The following TTLL5 variants were observed in gnomAD, a reference collection of about 807,000 sequenced individuals.
TTLL5 encodes the protein tubulin polyglutamylase TTLL5.
A neutral mutation model predicts 168.4 loss-of-function variants in TTLL5; 132 were observed. The observed-to-expected ratio is 0.78, with a 90% CI of 0.68 to 0.91. TTLL5 has a LOEUF of 0.91. Among genes scored for constraint, TTLL5 ranks in the 40% least tolerant of loss-of-function variants. The pLI, the probability that TTLL5 is intolerant of heterozygous loss-of-function variation, is 0.00. For missense variants in TTLL5, 1,545 were observed against 1,581.5 expected (o/e 0.98, Z 0.39); for synonymous variants, 546 against 558.6 (o/e 0.98, Z 0.32).
intron 21 of TTLL5, among the ~76,000 whole-genome samples, chr14:75,774,373 A>C (rs181350386): frequency 5.4e-4 from 82 of 152,306 alleles, no homozygotes; most frequent in Non-Finnish European, 4.4e-5. Context: ...CCCCAACTCT[A>C]AAAGCTCCCT....
chr14:75,821,069 G>A (rs1894805272), intron 28 of TTLL5, among the ~76,000 whole-genome samples: 1 of 152,154 alleles, frequency 6.6e-6, no homozygotes, highest in South Asian at 2.1e-4. Flanking sequence ...TTCAGAGGGG[G>A]TACTGAAGAC....
intron 30 of TTLL5, among the ~76,000 whole-genome samples, chr14:75,892,031 A>G (rs1357063592): frequency 1.3e-5 from 2 of 152,228 alleles, no homozygotes; most frequent in Non-Finnish European, 2.9e-5. Flanking sequence ...GTTGTTATTT[A>G]TAAGTGTGAT....
At chr14:75,728,171 C>T (rs1459020418) in intron 12 of TTLL5, among the ~76,000 whole-genome samples, 1 of 152,062 alleles carries the variant, frequency 6.6e-6, no homozygotes, top group African/African-American at 2.4e-5. Flanking sequence ...GCCTGGCCAA[C>T]ATGGTAAAAC....
At chr14:75,914,919 G>A (rs561256314) in intron 31 of TTLL5, among the ~76,000 whole-genome samples, 24 of 152,190 alleles carry the variant, frequency 1.6e-4, no homozygotes, top group African/African-American at 5.5e-4. Flanking sequence ...CACTGTGCCC[G>A]GCCGATCGCT....
Position 75,669,446 on chromosome 14 carries a change from C to A in TTLL5, c.105C>A (p.Gly35=), listed in dbSNP as rs762286715. 1 of 1,614,030 alleles carries A rather than the reference C, an allele frequency of 6.2e-7. No homozygotes were observed. The highest frequency in any genetic ancestry group is 8.5e-7 in the Non-Finnish European group (1 of 1,179,974). ...ATCCATGCATCATGTGGACTGGAGG[C>A]TGCAGGAGAATTCCAGTTTTGGTAT... ...EDHPCIMWTG[G]CRRIPVLVFH... Residue 35 remains glycine (G), a synonymous_variant, in exon 3 of 32, where the codon GGC becomes GGA. Coordinates refer to ENST00000298832, the MANE Select transcript of TTLL5 (RefSeq NM_015072.5).
Position 75,923,212 on chromosome 14 carries a change from A to C in TTLL5, c.3823+20988A>C, listed in dbSNP as rs182645708. On this transcript the variant is annotated intron_variant, in intron 31 of 31. Coordinates refer to ENST00000298832, the MANE Select transcript of TTLL5 (RefSeq NM_015072.5). ...AGTTTTTTGTGTCTCTATCTCTTTC[A>C]GTTCTGCTCTGATGTTAGTTATTTC... 2.0e-4 allele frequency among the ~76,000 whole-genome samples: 30 copies of C among 152,022 alleles called. No homozygotes were observed. The South Asian group carries it at 2.9e-3, about 15-fold the overall frequency.
intron 20 of TTLL5, among the ~76,000 whole-genome samples, chr14:75,770,759 G>A (rs1211171804): frequency 6.6e-6 from 1 of 152,188 alleles, no homozygotes; most frequent in Non-Finnish European, 1.5e-5. Flanking sequence ...CTTTTCACAA[G>A]ACTTGAGGAT....
At chr14:75,697,541 A>G (rs1458426865) in intron 6 of TTLL5, among the ~76,000 whole-genome samples, 2 of 152,192 alleles carry the variant, frequency 1.3e-5, no homozygotes, top group Non-Finnish European at 2.9e-5. Context: ...TGGCATTGAC[A>G]AAGTCAAGTT....
intron 28 of TTLL5, among the ~76,000 whole-genome samples, chr14:75,851,675 T>C (rs1349703847): frequency 6.6e-6 from 1 of 152,162 alleles, no homozygotes; most frequent in Non-Finnish European, 1.5e-5. Context: ...GTGCAGCCGC[T>C]CTCTCTGGCG....
At position 75,936,854 on chromosome 14, in the gene TTLL5, G is replaced by A. The variant is rs376415444; in HGVS notation, c.3824-17570G>A. Among the ~76,000 whole-genome samples the A allele has an allele frequency of 1.5e-3, 225 of 152,280 alleles. 4 individuals are homozygous for A. The South Asian group carries it at 0.026, about 18-fold the overall frequency. On this transcript the variant is annotated intron_variant, in intron 31 of 31. Coordinates refer to ENST00000298832, the MANE Select transcript of TTLL5 (RefSeq NM_015072.5). ...GAGCAATTTCCCAAAGGAAGAGAAA[G>A]GGGCTGAAACCCTAAGCAGATGGGA...
chr14:75,854,809 G>A (rs1897048130), intron 28 of TTLL5, among the ~76,000 whole-genome samples: 1 of 152,134 alleles, frequency 6.6e-6, no homozygotes, highest in South Asian at 2.1e-4. Context: ...TAAATTGACT[G>A]TTCCAATCTT....
chr14:75,858,364 C>T (rs1897239354), intron 28 of TTLL5, among the ~76,000 whole-genome samples: 1 of 152,234 alleles, frequency 6.6e-6, no homozygotes, highest in Admixed American at 6.5e-5. Flanking sequence ...GCCAGTGCTA[C>T]TTAAGAGTAT....
intron 31 of TTLL5, among the ~76,000 whole-genome samples, chr14:75,953,865 A>AG (rs1432360371): frequency 6.6e-6 from 1 of 152,144 alleles, no homozygotes; most frequent in Non-Finnish European, 1.5e-5. Context: ...TTTTTGTCCA[A>AG]GAAAAAAAAG....
chr14:75,666,096 G>A (rs1007667387), intron 2 of TTLL5, among the ~76,000 whole-genome samples: 1 of 152,080 alleles, frequency 6.6e-6, no homozygotes, highest in Admixed American at 6.6e-5. Flanking sequence ...CTTATGTCTT[G>A]TCTATCAGAC....
chr14:75,722,039 A>T (rs746215826), intron 12 of TTLL5, among the ~76,000 whole-genome samples: 1 of 152,230 alleles, frequency 6.6e-6, no homozygotes, highest in African/African-American at 2.4e-5. Context: ...AAAGGCTTCT[A>T]AGGTAACTCA....
intron 15 of TTLL5, among the ~76,000 whole-genome samples, chr14:75,736,320 T>C (rs968050691): frequency 2.0e-5 from 3 of 152,202 alleles, no homozygotes; most frequent in Non-Finnish European, 2.9e-5. Context: ...CTTGTTCCTT[T>C]TGCTTGCTAG....
intron 2 of TTLL5, 30 bp from the exon 3 acceptor site, chr14:75,669,386 A>G: frequency 6.3e-7 from 1 of 1,595,436 alleles, no homozygotes; most frequent in Non-Finnish European, 8.6e-7. Flanking sequence ...TTTGAGCTGT[A>G]AATTAATGAA....
chr14:75,883,968 T>A (rs1222662470), intron 30 of TTLL5, among the ~76,000 whole-genome samples: 1 of 152,192 alleles, frequency 6.6e-6, no homozygotes, highest in East Asian at 1.9e-4. Flanking sequence ...TGGATTCACA[T>A]CCTCAGGCCA....
chr14:75,785,223 C>T (rs566022106), intron 26 of TTLL5, among the ~76,000 whole-genome samples: 1 of 147,328 alleles, frequency 6.8e-6, no homozygotes, highest in South Asian at 2.1e-4. Context: ...GCTGTGCCGC[C>T]AGGCTGGAGT....
Sources: gnomAD v4.1 joint callset for allele counts (sites outside exome capture counted in the v4.1 genomes callset) on GRCh38, gnomAD v4.1.1 for gene constraint, MANE v1.5 for transcripts, NCBI Gene and HGNC (gene_info 2026-07-23, HGNC 2026-07-21) for gene names.